PTPRJ: variants seen among roughly 807,000 people sequenced by gnomAD.
PTPRJ encodes the protein protein tyrosine phosphatase receptor type J.
PTPRJ carries 129 observed loss-of-function variants against 141.3 expected under a neutral mutation model. That is an observed-to-expected ratio of 0.91 (90% CI 0.79 to 1.06). PTPRJ has a LOEUF of 1.06. PTPRJ is among the 50% of genes least tolerant of loss of function. The pLI, the probability that PTPRJ is intolerant of heterozygous loss-of-function variation, is 0.00. For synonymous variants in PTPRJ, 610 were observed against 640.5 expected (o/e 0.95, Z 0.72); for missense variants, 1,601 against 1,679.7 (o/e 0.95, Z 0.82).
chr11:47,980,693 C>T lies in PTPRJ; in HGVS notation c.-220C>T, dbSNP rs1205645308. On this transcript the variant is annotated 5_prime_UTR_variant, in exon 1 of 25. Coordinates refer to ENST00000418331, the MANE Select transcript of PTPRJ (RefSeq NM_002843.4). ...CTGCGCGCTCAGGGACGCGGCCCCC[C>T]CGCGGCAGCCGCGCTAGGCTCCGGC... 1.0e-6 allele frequency: 1 copy of T among 991,632 alleles called. No individual in the cohort carries two copies. 61.4% of individuals were successfully genotyped at this position (991,632 alleles called of 1,614,324 possible). A position where few individuals can be genotyped will look rare whatever the true frequency, so the allele number is the denominator to read the frequency against.
At chr11:47,981,768 T>C (rs955777217) in intron 1 of PTPRJ, among the ~76,000 whole-genome samples, 24 of 147,288 alleles carry the variant, frequency 1.6e-4, no homozygotes, top group African/African-American at 4.7e-4. Flanking sequence ...GGCATTTCCA[T>C]AGGGGCTGAG....
chr11:48,132,599 G>A (rs1157088357), intron 8 of PTPRJ: 34 of 949,448 alleles, frequency 3.6e-5, no homozygotes, highest in South Asian at 1.9e-4. Flanking sequence ...TGTAAATGAT[G>A]AGTTAATGGG....
intron 1 of PTPRJ, among the ~76,000 whole-genome samples, chr11:48,058,180 A>C (rs1374261825): frequency 1.3e-5 from 2 of 151,976 alleles, no homozygotes; most frequent in Non-Finnish European, 2.9e-5. Flanking sequence ...CCAAAGTGCT[A>C]GGATTACAGG....
intron 16 of PTPRJ, 186 bp downstream of exon 16, chr11:48,149,674 T>C: frequency 1.9e-6 from 1 of 539,438 alleles, no homozygotes; most frequent in Non-Finnish European, 3.2e-6. Context: ...CTCCTGAAGC[T>C]GGCTTCCTTG....
intron 1 of PTPRJ, among the ~76,000 whole-genome samples, chr11:47,990,422 C>T (rs1565245978): frequency 6.6e-6 from 1 of 151,918 alleles, no homozygotes; most frequent in Non-Finnish European, 1.5e-5. Context: ...GTCATGAAAC[C>T]TCTTTTTTTC....
At chr11:48,130,768 GTA>G in intron 8 of PTPRJ, 52 bp downstream of exon 8, 1 of 1,474,004 alleles carries the variant, frequency 6.8e-7, no homozygotes, top group Non-Finnish European at 9.1e-7. Flanking sequence ...AAGGAAATCA[GTA>G]TAATTAATAA....
chr11:48,150,030 T>C (rs757923336), intron 17 of PTPRJ, 32 bp downstream of exon 17: 1 of 1,520,764 alleles, frequency 6.6e-7, no homozygotes, highest in Non-Finnish European at 9.1e-7. Context: ...TTTAATAACT[T>C]GTACTTTTCT....
intron 1 of PTPRJ, among the ~76,000 whole-genome samples, chr11:47,987,149 C>T (rs915838471): frequency 5.9e-5 from 9 of 151,970 alleles, no homozygotes; most frequent in Non-Finnish European, 1.0e-4. Flanking sequence ...GTTGAAGCTG[C>T]GGTGAACCTT....
At chr11:48,038,286 TC>T (rs1179732563) in intron 1 of PTPRJ, among the ~76,000 whole-genome samples, 1 of 152,152 alleles carries the variant, frequency 6.6e-6, no homozygotes. Context: ...TGGTGAGAGT[TC>T]CTGTCAAGAG....
At chr11:48,084,517 G>T (rs954091533) in intron 1 of PTPRJ, among the ~76,000 whole-genome samples, 6 of 152,260 alleles carry the variant, frequency 3.9e-5, no homozygotes, top group African/African-American at 1.4e-4. Context: ...CCCCAATCAG[G>T]TTTGATTATG....
intron 24 of PTPRJ, 45 bp from the exon 25 acceptor site, chr11:48,167,159 G>A (rs1454836493): frequency 2.6e-6 from 4 of 1,556,880 alleles, no homozygotes; most frequent in East Asian, 2.3e-5. Flanking sequence ...CTAATTTCTG[G>A]GACCCATGTT....
At position 48,136,205 on chromosome 11, in the gene PTPRJ, G is replaced by A. The variant is rs1857097671; in HGVS notation, c.1782G>A (p.Gln594=). The change falls in exon 9 of 25, where the codon CAG becomes CAA. Residue 594 remains glutamine (Q), a synonymous_variant. Coordinates refer to ENST00000418331, the MANE Select transcript of PTPRJ (RefSeq NM_002843.4). The part of the protein sequence containing the change: ...TSTYDKAITL[Q]GLIPGTLYNI... ...CGTATGACAAAGCGATTACTCTCCA[G>A]GGCCTGATTCCGGGCACCTTATATA... 6.2e-7 allele frequency: 1 copy of A among 1,614,102 alleles called. No individual in the cohort carries two copies. Among genetic ancestry groups the A allele is most frequent in the South Asian group, 1.1e-5 (1 of 91,088 alleles).
intron 1 of PTPRJ, among the ~76,000 whole-genome samples, chr11:48,064,238 C>A (rs1009839367): frequency 6.6e-6 from 1 of 152,054 alleles, no homozygotes; most frequent in Non-Finnish European, 1.5e-5. Flanking sequence ...GTTTCTTCTT[C>A]ATGTATAATT....
Position 48,123,758 on chromosome 11 carries a change from A to G in PTPRJ, c.762A>G (p.Arg254=), listed in dbSNP as rs1856767158. The G allele has an allele frequency of 6.2e-7, 1 of 1,614,100 alleles. No homozygotes were observed. Among genetic ancestry groups the G allele is most frequent in the Non-Finnish European group, 8.5e-7 (1 of 1,180,020 alleles). Residue 254 remains arginine, a synonymous_variant, in exon 5 of 25, where the codon AGA becomes AGG. Transcript: ENST00000418331. ...GSHEELTQDS[R]LQVNISGLKP... is the part of the protein sequence containing the mutation. Reference sequence around the variant, plus strand: ...ATGAGGAGTTGACTCAAGACTCAAGACTTCAGGTCAATATCTCGGGCCTGA... The same window carrying G: ...ATGAGGAGTTGACTCAAGACTCAAGGCTTCAGGTCAATATCTCGGGCCTGA...
At chr11:48,106,800 ACT>A (rs1017220726) in intron 1 of PTPRJ, among the ~76,000 whole-genome samples, 1 of 114,924 alleles carries the variant, frequency 8.7e-6, no homozygotes, top group African/African-American at 3.5e-5. Context: ...ACAGAGTCTC[ACT>A]CTGTTGCCCA....
chr11:48,090,166 G>C (rs1022842381), intron 1 of PTPRJ, among the ~76,000 whole-genome samples: 1 of 152,026 alleles, frequency 6.6e-6, no homozygotes. Context: ...AGCAGCCCTC[G>C]AGGGCAGACA....
chr11:48,123,676 G>A lies in PTPRJ; in HGVS notation c.680G>A (p.Trp227Ter). ...GGTGTGAGGAAGGCTGCTCTCTCCT[G>A]GAGCAATGGCAATGGCACTGCCTCC... ...LTGVRKAALS[W>*]SNGNGTASCR... The change falls in exon 5 of 25, where the codon TGG becomes TAG. Residue 227 changes from tryptophan to a stop codon, truncating the protein, a stop_gained. Coordinates refer to ENST00000418331, the MANE Select transcript of PTPRJ (RefSeq NM_002843.4). LOFTEE classifies it high-confidence loss of function. The A allele has an allele frequency of 6.2e-7, 1 of 1,614,084 alleles. No homozygotes were observed. The highest frequency in any genetic ancestry group is 8.5e-7 in the Non-Finnish European group (1 of 1,179,972).
rs139595712 is a variant in PTPRJ at position 48,117,727 on chromosome 11, G to A, written c.353-3276G>A. Among the ~76,000 whole-genome samples the A allele has an allele frequency of 1.4e-4, 21 of 151,512 alleles. No individual in the cohort carries two copies. The East Asian group carries it at 4.1e-3, about 29-fold the overall frequency. On this transcript the variant is annotated intron_variant, in intron 3 of 24. Transcript: ENST00000418331. ...TTAGTAAAAGGAACAAAATAATAAA[G>A]GTCAAAGCTGAAATAAATGAAATAG...
intron 1 of PTPRJ, among the ~76,000 whole-genome samples, chr11:47,990,432 C>CT (rs1278172668): frequency 6.6e-6 from 1 of 151,300 alleles, no homozygotes; most frequent in East Asian, 1.9e-4. Flanking sequence ...CTCTTTTTTT[C>CT]TTTTTTTTGA....
Sources: allele counts gnomAD v4.1 joint callset (sites outside exome capture counted in the v4.1 genomes callset), GRCh38; gene constraint gnomAD v4.1.1; transcripts MANE v1.5; gene names NCBI Gene and HGNC (gene_info 2026-07-23, HGNC 2026-07-21).